Variants in NALF1 observed in about 807,000 individuals in gnomAD.
NALF1 encodes family with sequence similarity 155 member A.
In NALF1, 3 loss-of-function variants were observed where a neutral mutation model predicts 48.4. That is an observed-to-expected ratio of 0.06 (90% CI 0.03 to 0.16). NALF1 has a LOEUF of 0.16. Ranked by LOEUF, NALF1 falls within the 10% of genes least tolerant of loss-of-function variation. NALF1 has a pLI of 1.00. For missense variants in NALF1, 526 were observed against 571.5 expected (o/e 0.92, Z 0.81); for synonymous variants, 262 against 245.7 (o/e 1.07, Z -0.62).
chr13:107,423,570 G>A (rs1884229238), intron 1 of NALF1, among the ~76,000 whole-genome samples: 1 of 151,998 alleles, frequency 6.6e-6, no homozygotes, highest in Non-Finnish European at 1.5e-5. Context: ...AAAAAAACTC[G>A]GGTTTCTGAA....
At position 107,173,360 on chromosome 13, in the gene NALF1, A is replaced by T. The variant is rs952218158; in HGVS notation, c.1088-2574T>A. On this transcript the variant is annotated intron_variant, in intron 2 of 2. Coordinates refer to ENST00000375915, the MANE Select transcript of NALF1 (RefSeq NM_001080396.3). ...GTTCCATTTACAGTATAAGGATGAC[A>T]TAAATGTAATTCTTAGCTCAACCAT... 2.0e-5 allele frequency among the ~76,000 whole-genome samples: 3 copies of T among 152,350 alleles called. No individual in the cohort carries two copies. The South Asian group carries it at 6.2e-4, about 32-fold the overall frequency.
At chr13:107,198,787 G>A (rs1879446860) in intron 2 of NALF1, among the ~76,000 whole-genome samples, 1 of 152,140 alleles carries the variant, frequency 6.6e-6, no homozygotes, top group Admixed American at 6.5e-5. Context: ...TTTCAGGAAA[G>A]CTCTGGTATG....
intron 1 of NALF1, among the ~76,000 whole-genome samples, chr13:107,250,469 A>G (rs1215054985): frequency 1.3e-5 from 2 of 152,180 alleles, no homozygotes; most frequent in East Asian, 3.8e-4. Context: ...GTTGATGATC[A>G]TATCTTATTT....
intron 1 of NALF1, among the ~76,000 whole-genome samples, chr13:107,586,357 G>A (rs777251239): frequency 5.3e-5 from 8 of 152,024 alleles, no homozygotes; most frequent in Non-Finnish European, 1.2e-4. Flanking sequence ...TAAAGATCCT[G>A]GCAGTCAATG....
rs1229018458 is a variant in NALF1 at position 107,362,798 on chromosome 13, C to A, written c.916-152043G>T. On this transcript the variant is annotated intron_variant, in intron 1 of 2. Coordinates refer to ENST00000375915, the MANE Select transcript of NALF1 (RefSeq NM_001080396.3). This position sits in a 1 kb window ranked among gnomAD's most constrained non-coding sequence, Gnocchi z 4.6. The stretch of plus-strand genomic sequence containing the variant: ...TTCCCATAGGTGAGCATGTACCTGT[C>A]TGAGTGGGCACACATATGGAGCAAC... Among the ~76,000 whole-genome samples, 1 of 152,146 alleles carries A rather than the reference C, an allele frequency of 6.6e-6. No homozygotes were observed. Among genetic ancestry groups the A allele is most frequent in the Admixed American group, 6.6e-5 (1 of 15,264 alleles).
chr13:107,807,234 C>T (rs1191397404), intron 1 of NALF1, among the ~76,000 whole-genome samples: 1 of 152,034 alleles, frequency 6.6e-6, no homozygotes, highest in African/African-American at 2.4e-5. Context: ...ATATTATTTT[C>T]AATATCTAAG....
intron 1 of NALF1, among the ~76,000 whole-genome samples, chr13:107,295,128 C>T (rs527255487): frequency 2.8e-4 from 43 of 152,276 alleles, no homozygotes; most frequent in African/African-American, 1.0e-3. Context: ...TAGGTAGTTT[C>T]TCAACCCTTG....
intron 1 of NALF1, among the ~76,000 whole-genome samples, chr13:107,238,227 G>A (rs1341841571): frequency 6.6e-6 from 1 of 152,210 alleles, no homozygotes; most frequent in African/African-American, 2.4e-5. Context: ...CATGGAGGGT[G>A]TGAAATCACT....
chr13:107,760,822 G>A (rs961341182), intron 1 of NALF1, among the ~76,000 whole-genome samples: 16 of 152,058 alleles, frequency 1.1e-4, no homozygotes, highest in Admixed American at 5.9e-4. Flanking sequence ...CATTTCCTTG[G>A]CAGCCATTAT....
At chr13:107,760,098 A>C (rs574272246) in intron 1 of NALF1, among the ~76,000 whole-genome samples, 5 of 152,358 alleles carry the variant, frequency 3.3e-5, no homozygotes, top group African/African-American at 1.2e-4. Flanking sequence ...ATAAAATTCA[A>C]GCAAACCTTA....
intron 1 of NALF1, among the ~76,000 whole-genome samples, chr13:107,430,502 A>T (rs1166121043): frequency 1.3e-5 from 2 of 151,722 alleles, no homozygotes; most frequent in Non-Finnish European, 2.9e-5. Flanking sequence ...TCCTGTGTCC[A>T]TGTGTTCTCA....
At chr13:107,198,205 G>A (rs1349840355) in intron 2 of NALF1, among the ~76,000 whole-genome samples, 1 of 152,060 alleles carries the variant, frequency 6.6e-6, no homozygotes, top group African/African-American at 2.4e-5. Flanking sequence ...TTTTTCAGAG[G>A]AAAAATTCCC....
At chr13:107,368,985 A>G (rs554811263) in intron 1 of NALF1, among the ~76,000 whole-genome samples, 2 of 152,368 alleles carry the variant, frequency 1.3e-5, no homozygotes, top group South Asian at 2.1e-4. Flanking sequence ...GCATTTGCAC[A>G]TTCTATTCCC....
chr13:107,298,107 C>T (rs1466474031), intron 1 of NALF1, among the ~76,000 whole-genome samples: 3 of 151,778 alleles, frequency 2.0e-5, no homozygotes, highest in African/African-American at 2.4e-5. Flanking sequence ...CACACACACT[C>T]GGGAGGCCAA....
At chr13:107,441,805 T>C (rs1884564288) in intron 1 of NALF1, among the ~76,000 whole-genome samples, 1 of 152,130 alleles carries the variant, frequency 6.6e-6, no homozygotes, top group South Asian at 2.1e-4. Flanking sequence ...AATCTGCCCC[T>C]CTAGGGGTAT....
chr13:107,720,539 T>C (rs1450871807), intron 1 of NALF1, among the ~76,000 whole-genome samples: 1 of 130,718 alleles, frequency 7.7e-6, no homozygotes, highest in Non-Finnish European at 1.6e-5. Flanking sequence ...AAAAAGCATA[T>C]TTCCCAGAAT....
intron 1 of NALF1, among the ~76,000 whole-genome samples, chr13:107,393,234 A>T (rs1883656576): frequency 1.3e-5 from 2 of 152,142 alleles, no homozygotes; most frequent in African/African-American, 4.8e-5. Context: ...AGGTCCCTTA[A>T]CTTCAATTTA....
rs371483701 is a variant in NALF1 at position 107,544,150 on chromosome 13, G to A, written c.915+321532C>T. On this transcript the variant is annotated intron_variant, in intron 1 of 2. Transcript: ENST00000375915. Reference sequence around the variant, plus strand: ...ACATGATAATAGCATGCCATATGCAGAGCAATCTAAATTATGAAATTCATT... The same window carrying A: ...ACATGATAATAGCATGCCATATGCAAAGCAATCTAAATTATGAAATTCATT... Among the ~76,000 whole-genome samples, 228 of 152,196 alleles carry A rather than the reference G, an allele frequency of 1.5e-3. 4 individuals are homozygous for A. The highest frequency in any genetic ancestry group is 5.1e-3 in the African/African-American group (212 of 41,544).
chr13:107,284,284 A>C (rs9520362), intron 1 of NALF1, among the ~76,000 whole-genome samples: 106,020 of 151,880 alleles, frequency 0.7, 39,097 homozygotes, highest in South Asian at 0.86. Flanking sequence ...TTTAATACTC[A>C]AATGTCCAGT....
Sources: gnomAD v4.1 joint callset for allele counts (sites outside exome capture counted in the v4.1 genomes callset) on GRCh38, gnomAD v4.1.1 for gene constraint, Gnocchi (gnomAD v3.1) non-coding constraint, MANE v1.5 for transcripts, NCBI Gene and HGNC (gene_info 2026-07-23, HGNC 2026-07-21) for gene names.